The following TACC1 variants were observed in gnomAD, a reference collection of about 807,000 sequenced individuals.
The protein encoded by TACC1 is transforming acidic coiled-coil-containing protein 1.
Under a neutral mutation model 84.4 loss-of-function variants are expected in TACC1, and 48 were observed. That is an observed-to-expected ratio of 0.57 (90% CI 0.45 to 0.72). The LOEUF (loss-of-function observed/expected upper bound fraction) is 0.72, where lower values mean the gene tolerates loss of function less well. Ranked by LOEUF, TACC1 falls within the 30% of genes least tolerant of loss-of-function variation. The pLI is 0.00. For synonymous variants in TACC1, 372 were observed against 376.3 expected (o/e 0.99, Z 0.13); for missense variants, 920 against 973.0 (o/e 0.95, Z 0.72).
upstream of TACC1, chr8:38,787,133 C>T (rs1225028035): frequency 3.0e-6 from 3 of 983,930 alleles, no homozygotes; most frequent in Non-Finnish European, 3.6e-6. Context: ...CCCGGCGCCG[C>T]CGCCGCCCCC....
intron 6 of TACC1, among the ~76,000 whole-genome samples, chr8:38,832,721 T>C (rs1211016996): frequency 6.6e-6 from 1 of 152,236 alleles, no homozygotes; most frequent in Admixed American, 6.5e-5. Flanking sequence ...AACTTTTCTT[T>C]TTAAGTTTTA....
At chr8:38,800,084 T>A (rs985585651) in intron 2 of TACC1, among the ~76,000 whole-genome samples, 6 of 152,296 alleles carry the variant, frequency 3.9e-5, no homozygotes, top group African/African-American at 1.4e-4. Context: ...TCACTTGAGC[T>A]TGGGAGGTTG....
chr8:38,826,155 A>G (rs564789635), intron 4 of TACC1, among the ~76,000 whole-genome samples: 40 of 152,136 alleles, frequency 2.6e-4, no homozygotes, highest in Non-Finnish European at 5.4e-4. Flanking sequence ...TTCCTCTACA[A>G]TTTGGATCAG....
At chr8:38,799,708 AG>A (rs1225591720) in intron 2 of TACC1, 1 of 152,232 alleles carries the variant, frequency 6.6e-6, no homozygotes, top group Admixed American at 6.5e-5. Flanking sequence ...GTTGTGGAAA[AG>A]AGGGATGATG....
intron 12 of TACC1, among the ~76,000 whole-genome samples, chr8:38,847,588 AT>A (rs1832553296): frequency 6.6e-6 from 1 of 152,264 alleles, no homozygotes; most frequent in South Asian, 2.1e-4. Context: ...TCCCTGGGAG[AT>A]TCAGACTCCA....
intron 9 of TACC1, among the ~76,000 whole-genome samples, chr8:38,842,079 C>T (rs777064435): frequency 1.3e-5 from 2 of 152,026 alleles, no homozygotes; most frequent in Non-Finnish European, 2.9e-5. Context: ...AGTAACAGCC[C>T]CCTCCCCGCC....
At chr8:38,822,712 ATTAT>A (rs1469414120) in intron 3 of TACC1, among the ~76,000 whole-genome samples, 4 of 152,160 alleles carry the variant, frequency 2.6e-5, no homozygotes, top group African/African-American at 4.8e-5. Context: ...TTTGTGTAAA[ATTAT>A]TTATTTGTTT....
rs9298641 is a variant in TACC1, at chr8:38,753,905, T to TTTTCTTTC, written c.26+8431_26+8438dup. 2.8e-3 allele frequency among the ~76,000 whole-genome samples: 349 copies of TTTTCTTTC among 124,602 alleles called. 21 individuals are homozygous for TTTTCTTTC. The highest frequency in any genetic ancestry group is 4.8e-3 in the African/African-American group (157 of 32,878). The allele number at this position is 124,602 out of a possible 152,430, so 81.7% of individuals were successfully genotyped here. ...AGGCTTCACTCTTTCCTCTTTTTCT[T>TTTTCTTTC]TTTCTTTCTTTCTTTCTTTCTTTCT... On this transcript the variant is annotated intron_variant, in intron 3 of 14. Transcript: ENST00000518415.
At chr8:38,757,860 A>T (rs554263290) in intron 3 of TACC1, among the ~76,000 whole-genome samples, 2 of 152,326 alleles carry the variant, frequency 1.3e-5, no homozygotes, top group South Asian at 4.2e-4. Flanking sequence ...TGCTGCTTGC[A>T]AGAACTCCCT....
intron 5 of TACC1, among the ~76,000 whole-genome samples, 171 bp from the exon 6 acceptor site, chr8:38,830,954 C>G (rs1243400916): frequency 6.6e-6 from 1 of 152,230 alleles, no homozygotes; most frequent in East Asian, 1.9e-4. Context: ...ATGTCATGGA[C>G]TTATAACAGC....
chr8:38,845,685 G>A (rs939075286), intron 11 of TACC1, among the ~76,000 whole-genome samples: 2 of 152,198 alleles, frequency 1.3e-5, no homozygotes, highest in African/African-American at 4.8e-5. Context: ...GTTATGCCAG[G>A]TGGGAGTATT....
At chr8:38,837,283 C>T (rs868834173) in intron 7 of TACC1, among the ~76,000 whole-genome samples, 3 of 150,812 alleles carry the variant, frequency 2.0e-5, no homozygotes, top group African/African-American at 4.9e-5. Context: ...ATTAGCTGGG[C>T]GTGGTGGTGC....
At position 38,788,830 on chromosome 8, in the gene TACC1, A is replaced by G. The variant is rs778044091; in HGVS notation, c.277+11A>G. 45 of 1,584,978 alleles carry G rather than the reference A, an allele frequency of 2.8e-5. No homozygotes were observed. Among genetic ancestry groups the G allele is most frequent in the Non-Finnish European group, 3.7e-5 (43 of 1,167,988 alleles). On this transcript the variant is annotated intron_variant, in intron 2 of 12. Coordinates refer to ENST00000317827, the MANE Select transcript of TACC1 (RefSeq NM_006283.3). ...GGGCCAAAAGCCAAGGTAAAGAAAA[A>G]CTTGCATTTTTCCTGCCTGTTTTGT...
Position 38,735,093 on chromosome 8 carries a change from C to T in TACC1, c.-675+6422C>T, listed in dbSNP as rs548759303. ...CTGAATAGATGCATCTTAGTTCATA[C>T]ACAGCTGTCAGGACTTGAGGCACGC... On this transcript the variant is annotated intron_variant, in intron 1 of 14. Coordinates refer to the TACC1 transcript ENST00000518415. 7.2e-5 allele frequency among the ~76,000 whole-genome samples: 11 copies of T among 152,308 alleles called. No individual in the cohort carries two copies. In the South Asian group the frequency reaches 1.7e-3, roughly 23 times the overall value.
At chr8:38,749,573 GT>G (rs948989243) in intron 3 of TACC1, among the ~76,000 whole-genome samples, 102 of 151,436 alleles carry the variant, frequency 6.7e-4, no homozygotes, top group African/African-American at 2.0e-3. Flanking sequence ...GCAATGCAAA[GT>G]TTTTTTTTGT....
At chr8:38,809,437 C>T (rs1434226556) in intron 2 of TACC1, among the ~76,000 whole-genome samples, 1 of 152,088 alleles carries the variant, frequency 6.6e-6, no homozygotes, top group Non-Finnish European at 1.5e-5. Context: ...TTTTTCTTTC[C>T]TCCCCCTTCC....
Position 38,787,306 on chromosome 8 carries a change from G to A in TACC1, c.-277G>A. 1.7e-6 allele frequency: 2 copies of A among 1,191,944 alleles called. No individual in the cohort carries two copies. The highest frequency in any genetic ancestry group is 2.1e-6 in the Non-Finnish European group (2 of 960,322). 73.8% of individuals were successfully genotyped at this position (1,191,944 alleles called of 1,614,324 possible). A position where few individuals can be genotyped will look rare whatever the true frequency, so the allele number is the denominator to read the frequency against. On this transcript the variant is annotated 5_prime_UTR_variant, in exon 1 of 13. Transcript: ENST00000317827. ...GCGCCGCGGGCCGGGGGCCTGAGGA[G>A]GCCACAGGACGGGCGTCTTCCCGGC... is the stretch of plus-strand genomic sequence containing the variant.
At chr8:38,743,709 G>A (rs759581827) in intron 2 of TACC1, among the ~76,000 whole-genome samples, 10 of 152,080 alleles carry the variant, frequency 6.6e-5, no homozygotes, top group African/African-American at 9.7e-5. Flanking sequence ...TGATATATAT[G>A]TTTATTTTTC....
Position 38,849,749 on chromosome 8 carries a change from T to A in TACC1, c.*1726T>A, listed in dbSNP as rs754674305. 1 of 152,634 alleles carries A rather than the reference T, an allele frequency of 6.6e-6. No individual in the cohort carries two copies. The highest frequency in any genetic ancestry group is 1.5e-5 in the Non-Finnish European group (1 of 68,044). 9.5% of individuals were successfully genotyped at this position (152,634 alleles called of 1,614,324 possible). A position where few individuals can be genotyped will look rare whatever the true frequency, so the allele number is the denominator to read the frequency against. On this transcript the variant is annotated 3_prime_UTR_variant, in exon 13 of 13. Coordinates refer to ENST00000317827, the MANE Select transcript of TACC1 (RefSeq NM_006283.3). ...ATATTCAAGCCTGTTGTCTTAACATTTTGTATAAAAAAGAACAACAGAAAT... is the reference window on the plus strand; with the variant it reads ...ATATTCAAGCCTGTTGTCTTAACATATTGTATAAAAAAGAACAACAGAAAT...
Sources: gnomAD v4.1 joint callset for allele counts (sites outside exome capture counted in the v4.1 genomes callset) on GRCh38, gnomAD v4.1.1 for gene constraint, MANE v1.5 for transcripts, NCBI Gene and HGNC (gene_info 2026-07-23, HGNC 2026-07-21) for gene names.